The following HNRNPC variants were observed in gnomAD, a reference collection of about 807,000 sequenced individuals.
The protein encoded by HNRNPC is heterogeneous nuclear ribonucleoproteins C1/C2.
HNRNPC carries 3 observed loss-of-function variants against 33.2 expected under a neutral mutation model. The observed-to-expected ratio is 0.09, with a 90% CI of 0.04 to 0.23. HNRNPC has a LOEUF of 0.23. HNRNPC is among the 10% of genes least tolerant of loss of function. HNRNPC has a pLI of 1.00. For synonymous variants in HNRNPC, 121 were observed against 126.7 expected, an observed-to-expected ratio of 0.96 and a Z score of 0.30; for missense variants, 143 against 366.7, an observed-to-expected ratio of 0.39 and a Z score of 4.98.
At position 21,211,176 on chromosome 14, in the gene HNRNPC, C is replaced by G. The variant is rs765154159; in HGVS notation, c.*47G>C. ...GAAAAATTTGATCTTAGACAAGCGC[C>G]TAGGTAAAGAAATAATGGGATAAGA... On this transcript the variant is annotated 3_prime_UTR_variant, in exon 9 of 9. Coordinates refer to ENST00000553300, the MANE Select transcript of HNRNPC (RefSeq NM_004500.4). The G allele has an allele frequency of 5.1e-6, 8 of 1,580,544 alleles. No homozygotes were observed. Among genetic ancestry groups the G allele is most frequent in the Non-Finnish European group, 6.9e-6 (8 of 1,152,806 alleles).
intron 7 of HNRNPC, 118 bp downstream of exon 7, chr14:21,211,692 C>A: frequency 7.1e-7 from 1 of 1,417,424 alleles, no homozygotes; most frequent in Non-Finnish European, 9.8e-7. Context: ...CTTCCCAATT[C>A]ACACTCCCCA....
chr14:21,242,566 G>A (rs1007453477), intron 2 of HNRNPC, among the ~76,000 whole-genome samples: 2 of 152,176 alleles, frequency 1.3e-5, no homozygotes, highest in East Asian at 1.9e-4. Flanking sequence ...GAGTACTGTC[G>A]ATGTATGCTA....
intron 2 of HNRNPC, among the ~76,000 whole-genome samples, chr14:21,247,081 G>T (rs1339761450): frequency 6.6e-6 from 1 of 152,126 alleles, no homozygotes; most frequent in Non-Finnish European, 1.5e-5. Context: ...ATTTTTGAGG[G>T]GGTGCTGGCA....
chr14:21,247,820 C>CA (rs1216770970), intron 2 of HNRNPC, among the ~76,000 whole-genome samples: 3,943 of 76,714 alleles, frequency 0.051, 129 homozygotes, highest in African/African-American at 0.12. Flanking sequence ...ACTAAAAATA[C>CA]AAAAAAAAAA....
At chr14:21,233,146 T>C (rs1385693566) in intron 3 of HNRNPC, among the ~76,000 whole-genome samples, 1 of 152,042 alleles carries the variant, frequency 6.6e-6, no homozygotes. Flanking sequence ...TTTGAAACCA[T>C]ATAAAGTGTT....
chr14:21,244,877 G>T (rs1019535152), intron 2 of HNRNPC, among the ~76,000 whole-genome samples: 2 of 151,736 alleles, frequency 1.3e-5, no homozygotes, highest in Non-Finnish European at 2.9e-5. Context: ...TCCCAACACG[G>T]AGTTTGAGAC....
intron 5 of HNRNPC, among the ~76,000 whole-genome samples, chr14:21,229,846 A>G (rs1347448819): frequency 6.6e-6 from 1 of 152,228 alleles, no homozygotes; most frequent in African/African-American, 2.4e-5. Context: ...TATTGCATAC[A>G]ATAGTTTGCT....
At chr14:21,257,938 A>G (rs1174949919) in intron 2 of HNRNPC, among the ~76,000 whole-genome samples, 1 of 152,174 alleles carries the variant, frequency 6.6e-6, no homozygotes, top group African/African-American at 2.4e-5. Context: ...ACCAAGATAC[A>G]TCTACCTAAA....
intron 2 of HNRNPC, among the ~76,000 whole-genome samples, chr14:21,250,431 G>C (rs1896504686): frequency 6.6e-6 from 1 of 151,994 alleles, no homozygotes; most frequent in Admixed American, 6.6e-5. Context: ...AACACTCAAG[G>C]AAAAAAATTA....
chr14:21,265,839 T>C (rs1414918663), intron 1 of HNRNPC, among the ~76,000 whole-genome samples: 2 of 152,290 alleles, frequency 1.3e-5, no homozygotes, highest in East Asian at 3.9e-4. Flanking sequence ...CTCTAGGTTA[T>C]TCTTTGTCAA....
At chr14:21,219,045 G>C (rs904960169) in intron 5 of HNRNPC, among the ~76,000 whole-genome samples, 1 of 150,038 alleles carries the variant, frequency 6.7e-6, no homozygotes, top group African/African-American at 2.5e-5. Context: ...AGGAAGCAGA[G>C]GTTGCAGTAA....
intron 2 of HNRNPC, among the ~76,000 whole-genome samples, chr14:21,245,017 A>G (rs1207059918): frequency 6.7e-6 from 1 of 148,558 alleles, no homozygotes; most frequent in African/African-American, 2.5e-5. Context: ...TCCCGGAGGC[A>G]GACGTAGCAC....
In HNRNPC at chr14:21,226,322, CAAAA is replaced by C. The variant is rs1248605992; in HGVS notation, c.365+3993_365+3996del. On this transcript the variant is annotated intron_variant, in intron 5 of 8. Coordinates refer to ENST00000553300, the MANE Select transcript of HNRNPC (RefSeq NM_004500.4). Reference sequence around the variant, plus strand: ...CGGGAGACAGCACGAGACTCGTTTCCAAAAGAAAAAAAAAAAAAAAAAAGAAAGA... The same window carrying C: ...CGGGAGACAGCACGAGACTCGTTTCCGAAAAAAAAAAAAAAAAAAGAAAGA... Among the ~76,000 whole-genome samples, 36 of 77,288 alleles carry C rather than the reference CAAAA, an allele frequency of 4.7e-4. 1 individual carries two copies. The highest frequency in any genetic ancestry group is 2.4e-3 in the Admixed American group (16 of 6,656). 50.7% of individuals were successfully genotyped at this position (77,288 alleles called of 152,430 possible). A position where few individuals can be genotyped will look rare whatever the true frequency, so the allele number is the denominator to read the frequency against.
Position 21,212,973 on chromosome 14 carries a change from G to A in HNRNPC, c.510C>T (p.Ser170=). 6.2e-7 allele frequency: 1 copy of A among 1,613,906 alleles called. No individual in the cohort carries two copies. The highest frequency in any genetic ancestry group is 8.5e-7 in the Non-Finnish European group (1 of 1,179,858). ...FNSKSGQRGS[S]KSGKLKGDDL... ...AATAATACATACACTTTCCAGACTT[G>A]GAAGATCCCCGCTGTCCACTCTTAG... Residue 170 remains serine, a synonymous_variant, in exon 6 of 9, where the codon TCC becomes TCT. Coordinates refer to ENST00000553300, the MANE Select transcript of HNRNPC (RefSeq NM_004500.4).
At chr14:21,244,654 G>C (rs1265856138) in intron 2 of HNRNPC, among the ~76,000 whole-genome samples, 1 of 152,180 alleles carries the variant, frequency 6.6e-6, no homozygotes, top group Non-Finnish European at 1.5e-5. Flanking sequence ...ACAGGGAAAT[G>C]CATGAGAATT....
At chr14:21,238,636 T>C (rs1895000856) in intron 2 of HNRNPC, among the ~76,000 whole-genome samples, 1 of 152,186 alleles carries the variant, frequency 6.6e-6, no homozygotes, top group Admixed American at 6.5e-5. Context: ...TGCACCTGTA[T>C]ATACTCAAAT....
rs559208812 is a variant in HNRNPC, at chr14:21,242,884, A to T, written c.-36-8655T>A. Reference sequence around the variant, plus strand: ...AATACAACTGGTTTGGACACCTCAAAAAATAAAAACTAGGGGCCTTTTTCT... The same window carrying T: ...AATACAACTGGTTTGGACACCTCAATAAATAAAAACTAGGGGCCTTTTTCT... On this transcript the variant is annotated intron_variant, in intron 2 of 8. Coordinates refer to ENST00000553300, the MANE Select transcript of HNRNPC (RefSeq NM_004500.4). 7.9e-5 allele frequency among the ~76,000 whole-genome samples: 12 copies of T among 152,354 alleles called. No homozygotes were observed. In the South Asian group the frequency reaches 2.5e-3, roughly 32 times the overall value.
chr14:21,261,799 T>C (rs1042308771), intron 2 of HNRNPC, among the ~76,000 whole-genome samples: 6 of 152,224 alleles, frequency 3.9e-5, no homozygotes, highest in Non-Finnish European at 8.8e-5. Flanking sequence ...AGAGCAACTC[T>C]AAAATGGTTA....
chr14:21,218,637 G>A lies in HNRNPC; in HGVS notation c.366-5520C>T, dbSNP rs183413718. Among the ~76,000 whole-genome samples, 35 of 119,944 alleles carry A rather than the reference G, an allele frequency of 2.9e-4. No homozygotes were observed. The Middle Eastern group carries it at 0.031, about 107-fold the overall frequency. 78.7% of individuals were successfully genotyped at this position (119,944 alleles called of 152,430 possible). A position where few individuals can be genotyped will look rare whatever the true frequency, so the allele number is the denominator to read the frequency against. On this transcript the variant is annotated intron_variant, in intron 5 of 8. Transcript: ENST00000553300. ...GCAGAGGTTACAGTAAGCCAAGATC[G>A]CACCACTGCATTCCAGCCTGGGAGA...
Sources: allele counts gnomAD v4.1 joint callset (sites outside exome capture counted in the v4.1 genomes callset), GRCh38; gene constraint gnomAD v4.1.1; transcripts MANE v1.5; gene names NCBI Gene and HGNC (gene_info 2026-07-23, HGNC 2026-07-21).